Variants in MUC6 observed in about 807,000 individuals in gnomAD.
MUC6 encodes the protein mucin-6.
In MUC6, 188 loss-of-function variants were observed where a neutral mutation model predicts 201.5. The observed-to-expected ratio is 0.93, with a 90% CI of 0.83 to 1.05. MUC6 has a LOEUF of 1.05. MUC6 is among the 50% of genes least tolerant of loss of function. MUC6 has a pLI of 0.00. For missense variants in MUC6, 2,706 were observed against 3,256.9 expected, an observed-to-expected ratio of 0.83 and a Z score of 4.12; for synonymous variants, 1,228 against 1,389.4, an observed-to-expected ratio of 0.88 and a Z score of 2.58.
rs1230662474 is a variant in MUC6 at position 1,032,056 on chromosome 11, A to G, written c.116-3T>C. On this transcript the variant is annotated splice_polypyrimidine_tract_variant and splice_region_variant and intron_variant, in intron 2 of 32. Transcript: ENST00000421673. ...GGAGCACTGGCCTTTGTCCGGGGCT[A>G]CAGAGAGAGCAGTGCTCACACAGCC... 6 of 1,612,794 alleles carry G rather than the reference A, an allele frequency of 3.7e-6. No individual in the cohort carries two copies. The highest frequency in any genetic ancestry group is 1.3e-5 in the African/African-American group (1 of 74,888).
rs1857083425 is a variant in MUC6 at position 1,030,790 on chromosome 11, C to CATGGGGGCAAAGGCCA, written c.685-11_685-10insTGGCCTTTGCCCCCAT. 6.5e-7 allele frequency: 1 copy of CATGGGGGCAAAGGCCA among 1,534,634 alleles called. No homozygotes were observed. The stretch of plus-strand genomic sequence containing the variant: ...GGGTGCAGATCCGGGCCTGGGGGGG[C>CATGGGGGCAAAGGCCA]CACTCAGGGTCATGGGGGCAAAGGC... On this transcript the variant is annotated splice_polypyrimidine_tract_variant and intron_variant, in intron 6 of 32. Transcript: ENST00000421673.
At position 1,019,338 on chromosome 11, in the gene MUC6, A is replaced by G. The variant is rs1347022266; in HGVS notation, c.3967T>C (p.Ser1323Pro). The G allele has an allele frequency of 3.1e-6, 5 of 1,613,494 alleles. No homozygotes were observed. The highest frequency in any genetic ancestry group is 3.4e-6 in the Non-Finnish European group (4 of 1,179,780). The change falls in exon 30 of 33, where the codon TCC becomes CCC. Residue 1323 changes from serine to proline, a missense_variant. Coordinates refer to ENST00000421673, the MANE Select transcript of MUC6 (RefSeq NM_005961.3). ...ASPATTSTAQ[S>P]TTRTTMTLPT... ...AGTGTCATTGTGGTCCGTGTTGTGG[A>G]CTGAGCTGTGGACGTCGTGGCTGGG... is the stretch of plus-strand genomic sequence containing the variant.
At position 1,027,159 on chromosome 11, in the gene MUC6, G is replaced by A. The variant is rs994296367; in HGVS notation, c.2266C>T (p.Arg756Trp). 18 of 1,612,428 alleles carry A rather than the reference G, an allele frequency of 1.1e-5. No individual in the cohort carries two copies. The African/African-American group carries it at 1.2e-4, about 11-fold the overall frequency. The change falls in exon 18 of 33, where the codon CGG becomes TGG. Residue 756 changes from arginine (R) to tryptophan (W), a missense_variant. By Grantham distance (101) the Arg-to-Trp change is moderately radical (BLOSUM62 -3). Coordinates refer to ENST00000421673, the MANE Select transcript of MUC6 (RefSeq NM_005961.3). Reference protein sequence around the residue: ...CINGRLSCPQRPQMFLASCQA... With the variant: ...CINGRLSCPQWPQMFLASCQA... ...TACGTACCCAGGAACATCTGTGGCC[G>A]CTGCGGGCAACTCAGCCGCCCGTTG...
In MUC6 at chr11:1,033,356, G is replaced by A. The variant is rs551651130; in HGVS notation, c.53-281C>T. On this transcript the variant is annotated intron_variant, in intron 1 of 32. Transcript: ENST00000421673. This position sits in a 1 kb window ranked among gnomAD's most constrained non-coding sequence, Gnocchi z 5.6. ...AGCCCCTCGGGGTTCGGCAGATGGC[G>A]GGCACCCTGTGTGCAGGGTACTCAT... 180 of 540,218 alleles carry A rather than the reference G, an allele frequency of 3.3e-4. 4 individuals are homozygous for A. The highest frequency in any genetic ancestry group is 2.8e-3 in the African/African-American group (146 of 52,926). 33.5% of individuals were successfully genotyped at this position (540,218 alleles called of 1,614,324 possible).
rs989922165 is a variant in MUC6, at chr11:1,028,656, A to G, written c.1581T>C (p.Gly527=). 5 of 1,608,548 alleles carry G rather than the reference A, an allele frequency of 3.1e-6. No individual in the cohort carries two copies. In the African/African-American group the frequency reaches 6.7e-5, roughly 21 times the overall value. ...GAGGCAGGGACTCACCTCTGGTCTG[A>G]CCTCTGAACTGGGGCCCAACAGTGA... is the stretch of plus-strand genomic sequence containing the variant. The part of the protein sequence containing the change: ...AYVTVGPQFR[G]QTRGLCGNFN... Residue 527 remains glycine (G), a synonymous_variant, in exon 13 of 33, where the codon GGT becomes GGC. Transcript: ENST00000421673.
intron 25 of MUC6, 54 bp from the exon 26 acceptor site, chr11:1,023,706 T>C: frequency 6.3e-7 from 1 of 1,599,122 alleles, no homozygotes; most frequent in Non-Finnish European, 8.5e-7. Flanking sequence ...GCCCTGGCCC[T>C]GACCCGGTGG....
chr11:1,032,937 GGCTCCGGGC>G, intron 2 of MUC6, 67 bp downstream of exon 2: 1 of 1,359,728 alleles, frequency 7.4e-7, no homozygotes, highest in Non-Finnish European at 1.0e-6. Flanking sequence ...GGGTGACCTG[GGCTCCGGGC>G]CCCTCTCTCC....
Position 1,014,570 on chromosome 11 carries a change from C to T in MUC6, c.7040-569G>A, listed in dbSNP as rs1045636126. Among the ~76,000 whole-genome samples, 7 of 152,304 alleles carry T rather than the reference C, an allele frequency of 4.6e-5. No individual in the cohort carries two copies. The East Asian group carries it at 1.2e-3, about 25-fold the overall frequency. ...CCAGCCTCAGCGAGAGGCCTGGGTA[C>T]GTGGCAGGCAGCACAGAGCAGGGTG... On this transcript the variant is annotated intron_variant, in intron 31 of 32. Coordinates refer to ENST00000421673, the MANE Select transcript of MUC6 (RefSeq NM_005961.3).
rs1033619561 is a variant in MUC6, at chr11:1,013,385, G to C, written c.*71C>G. ...AAGCAGCTGCTGGCACAAGCGGGAA[G>C]GGGGCTGGTGGGTGTTTTCCTGTCT... On this transcript the variant is annotated 3_prime_UTR_variant, in exon 33 of 33. Transcript: ENST00000421673. 1 of 1,432,836 alleles carries C rather than the reference G, an allele frequency of 7.0e-7. No individual in the cohort carries two copies. Among genetic ancestry groups the C allele is most frequent in the South Asian group, 1.3e-5 (1 of 74,088 alleles). The allele number at this position is 1,432,836 out of a possible 1,614,324, so 88.8% of individuals were successfully genotyped here.
intron 1 of MUC6, 71 bp downstream of exon 1, chr11:1,036,533 G>A: frequency 6.6e-7 from 1 of 1,505,680 alleles, no homozygotes; most frequent in Admixed American, 2.0e-5. Flanking sequence ...AGGCGAGAAG[G>A]CCCAGAGACC....
In MUC6 at chr11:1,025,888, G is replaced by C. The variant is rs1278430174; in HGVS notation, c.2716C>G (p.Pro906Ala). The change falls in exon 22 of 33, where the codon CCC becomes GCC. Residue 906 changes from proline to alanine, a missense_variant. Transcript: ENST00000421673. Reference protein sequence around the residue: ...TDVCGVNDSQPTFKILTENVI... With the variant: ...TDVCGVNDSQATFKILTENVI... ...TTCTCTGTCAGGATCTTGAAGGTGGGCTGTGAGTCGTTGACACCACAGACG... is the reference window on the plus strand; with the variant it reads ...TTCTCTGTCAGGATCTTGAAGGTGGCCTGTGAGTCGTTGACACCACAGACG... 2.5e-6 allele frequency: 4 copies of C among 1,612,080 alleles called. No individual in the cohort carries two copies. The highest frequency in any genetic ancestry group is 3.4e-6 in the Non-Finnish European group (4 of 1,179,476).
intron 19 of MUC6, 58 bp downstream of exon 19, chr11:1,026,883 C>T (rs1856972006): frequency 1.4e-6 from 2 of 1,445,498 alleles, no homozygotes; most frequent in Non-Finnish European, 1.9e-6. Context: ...CTGTGGAAAC[C>T]CCCTCATGGT....
intron 2 of MUC6, among the ~76,000 whole-genome samples, chr11:1,032,799 G>T (rs891956975): frequency 2.0e-5 from 3 of 151,592 alleles, no homozygotes; most frequent in African/African-American, 4.9e-5. Context: ...TCATGCATGT[G>T]TCATGTACAT....
Position 1,016,244 on chromosome 11 carries a change from T to C in MUC6, c.6557A>G (p.His2186Arg). 6.2e-7 allele frequency: 1 copy of C among 1,612,858 alleles called. No individual in the cohort carries two copies. The highest frequency in any genetic ancestry group is 8.5e-7 in the Non-Finnish European group (1 of 1,179,616). The change falls in exon 31 of 33, where the codon CAT becomes CGT. Residue 2186 changes from histidine (H) to arginine (R), a missense_variant. Physicochemically the swap from His to Arg is conservative, Grantham distance 29. Around this residue, in one of 10 missense-constraint regions of MUC6, gnomAD observed 586 missense variants for 488.0 expected, o/e 1.20. Transcript: ENST00000421673. The part of the protein sequence containing the change: ...SSGSHSSLST[H>R]PTTASVSASP... ...TGCAGACACTGATGCAGTCGTGGGA[T>C]GAGTGGACAATGAGGAGTGTGACCC...
Position 1,030,788 on chromosome 11 carries a change from G to A in MUC6, c.685-8C>T, listed in dbSNP as rs1019731079. The A allele has an allele frequency of 5.9e-6, 9 of 1,534,890 alleles. No individual in the cohort carries two copies. Among genetic ancestry groups the A allele is most frequent in the African/African-American group, 4.1e-5 (3 of 73,106 alleles). The stretch of plus-strand genomic sequence containing the variant: ...CTGGGTGCAGATCCGGGCCTGGGGG[G>A]GCCACTCAGGGTCATGGGGGCAAAG... On this transcript the variant is annotated splice_region_variant and splice_polypyrimidine_tract_variant and intron_variant, in intron 6 of 32. Transcript: ENST00000421673.
At chr11:1,028,525 C>T in intron 13 of MUC6, 121 bp downstream of exon 13, 12 of 1,536,082 alleles carry the variant, frequency 7.8e-6, no homozygotes, top group Non-Finnish European at 9.7e-6. Flanking sequence ...CCTGTTACCC[C>T]TGGGGGCTCC....
At position 1,013,468 on chromosome 11, in the gene MUC6, G is replaced by T. The variant is rs752802675; in HGVS notation, c.7308C>A (p.Ala2436=). The change falls in exon 33 of 33, where the codon GCC becomes GCA. Residue 2436 remains alanine (A), a synonymous_variant. Coordinates refer to ENST00000421673, the MANE Select transcript of MUC6 (RefSeq NM_005961.3). The stretch of plus-strand genomic sequence containing the variant: ...GGCAGCGACCCTGCTAGTCTCCACA[G>T]GCCACAGAGCTGCACACGCAGTGGC... The part of the protein sequence containing the change: ...VFSHCVCSSV[A]CGD 3.8e-6 allele frequency: 6 copies of T among 1,582,576 alleles called. No individual in the cohort carries two copies. The East Asian group carries it at 1.4e-4, about 37-fold the overall frequency.
rs374586258 is a variant in MUC6 at position 1,035,439 on chromosome 11, C to T, written c.52+1165G>A. ...GGCTGGGGTCCCAAGCAGAGGGCACCGCTGGGAGGGCTCAGAGACCCCCAC... is the reference window on the plus strand; with the variant it reads ...GGCTGGGGTCCCAAGCAGAGGGCACTGCTGGGAGGGCTCAGAGACCCCCAC... On this transcript the variant is annotated intron_variant, in intron 1 of 32. Transcript: ENST00000421673. 4.1e-4 allele frequency among the ~76,000 whole-genome samples: 63 copies of T among 152,258 alleles called. No individual in the cohort carries two copies. The East Asian group carries it at 7.3e-3, about 18-fold the overall frequency.
In MUC6 at chr11:1,028,671, C is replaced by T. The variant is rs1857024989; in HGVS notation, c.1566G>A (p.Gly522=). 6.2e-7 allele frequency: 1 copy of T among 1,609,594 alleles called. No individual in the cohort carries two copies. Among genetic ancestry groups the T allele is most frequent in the Non-Finnish European group, 8.5e-7 (1 of 1,178,616 alleles). The part of the protein sequence containing the change: ...RPIFQAYVTV[G]PQFRGQTRGL... ...CTCTGGTCTGACCTCTGAACTGGGG[C>T]CCAACAGTGACATAGGCCTGGAAGA... The change falls in exon 13 of 33, where the codon GGG becomes GGA. Residue 522 remains glycine (G), a synonymous_variant. Transcript: ENST00000421673.
Sources: gnomAD v4.1 joint callset for allele counts (sites outside exome capture counted in the v4.1 genomes callset) on GRCh38, gnomAD v4.1.1 for gene constraint, gnomAD v4.1.1 regional missense constraint, Gnocchi (gnomAD v3.1) non-coding constraint, MANE v1.5 for transcripts, NCBI Gene and HGNC (gene_info 2026-07-23, HGNC 2026-07-21) for gene names.